The following SGPP2 variants were observed in gnomAD, a reference collection of about 807,000 sequenced individuals.
SGPP2 encodes the protein sphingosine 1-phosphate phosphohydrolase 2.
Under a neutral mutation model 33.9 loss-of-function variants are expected in SGPP2, and 30 were observed. The ratio of observed to expected loss-of-function variants is 0.89; its 90% CI spans 0.66 to 1.20. The LOEUF (loss-of-function observed/expected upper bound fraction) is 1.20, where lower values mean the gene tolerates loss of function less well. SGPP2 is among the 50% of genes most tolerant of loss of function. The pLI is 0.00. For missense variants in SGPP2, 458 were observed against 532.1 expected, an observed-to-expected ratio of 0.86 and a Z score of 1.37; for synonymous variants, 233 against 225.0, an observed-to-expected ratio of 1.04 and a Z score of -0.32.
intron 1 of SGPP2, among the ~76,000 whole-genome samples, chr2:222,452,118 A>T (rs1697500500): frequency 6.6e-6 from 1 of 152,042 alleles, no homozygotes; most frequent in Non-Finnish European, 1.5e-5. Context: ...TATTAGATCT[A>T]CTTATCTATA....
intron 2 of SGPP2, among the ~76,000 whole-genome samples, chr2:222,500,962 C>G (rs1218230679): frequency 6.6e-6 from 1 of 152,172 alleles, no homozygotes; most frequent in Non-Finnish European, 1.5e-5. Context: ...GAACTCAGAC[C>G]TGAGGGTTTG....
intron 1 of SGPP2, among the ~76,000 whole-genome samples, chr2:222,447,579 G>C (rs988089887): frequency 6.6e-6 from 1 of 152,164 alleles, no homozygotes; most frequent in African/African-American, 2.4e-5. Flanking sequence ...GAACCATAGA[G>C]GGAACAGAGG....
In SGPP2 at chr2:222,559,461, T is replaced by TTTTTG. The variant is rs58509644; in HGVS notation, c.*577_*581dup. 0.03 allele frequency: 4,586 copies of TTTTTG among 155,242 alleles called. 114 individuals are homozygous for TTTTTG. Among genetic ancestry groups the TTTTTG allele is most frequent in the African/African-American group, 0.07 (2,893 of 41,486 alleles). 9.6% of individuals were successfully genotyped at this position (155,242 alleles called of 1,614,324 possible). On this transcript the variant is annotated 3_prime_UTR_variant, in exon 5 of 5. Transcript: ENST00000321276. Reference sequence around the variant, plus strand: ...ACTTCCTTATCGTTTATTTGGTGATTTTTTGTTTTGTTTTGTTTGAGACAG... The same window carrying TTTTTG: ...ACTTCCTTATCGTTTATTTGGTGATTTTTTGTTTTGTTTTGTTTTGTTTGAGACAG...
Position 222,550,141 on chromosome 2 carries a change from G to T in SGPP2, c.649-8206G>T, listed in dbSNP as rs1036109421. Among the ~76,000 whole-genome samples the T allele has an allele frequency of 6.6e-6, 1 of 152,090 alleles. No homozygotes were observed. Among genetic ancestry groups the T allele is most frequent in the South Asian group, 2.1e-4 (1 of 4,830 alleles). ...GATCCACCCGCCTCGGCCTCCCAAAGTGCTGGGATTACAGGCATGAGCCAC... is the reference window on the plus strand; with the variant it reads ...GATCCACCCGCCTCGGCCTCCCAAATTGCTGGGATTACAGGCATGAGCCAC... On this transcript the variant is annotated intron_variant, in intron 4 of 4. Transcript: ENST00000321276. The surrounding 1 kb of genome is among the most constrained non-coding windows in gnomAD (Gnocchi z 4.5).
chr2:222,552,110 C>T (rs931404429), intron 4 of SGPP2, among the ~76,000 whole-genome samples: 2 of 152,130 alleles, frequency 1.3e-5, no homozygotes, highest in Non-Finnish European at 2.9e-5. Flanking sequence ...CACTAGTTGA[C>T]TGATGGGCAT....
intron 4 of SGPP2, among the ~76,000 whole-genome samples, chr2:222,529,428 G>A (rs1166738130): frequency 1.3e-5 from 2 of 151,958 alleles, no homozygotes; most frequent in Admixed American, 6.6e-5. Context: ...TCCGTCTCCC[G>A]GGTTCAAGCC....
At chr2:222,532,545 C>T (rs1162504569) in intron 4 of SGPP2, among the ~76,000 whole-genome samples, 2 of 152,068 alleles carry the variant, frequency 1.3e-5, no homozygotes, top group African/African-American at 4.8e-5. Flanking sequence ...TCTGGCCCCA[C>T]CCCAGGGAAG....
At chr2:222,515,595 C>T (rs1698593023) in intron 2 of SGPP2, among the ~76,000 whole-genome samples, 1 of 151,724 alleles carries the variant, frequency 6.6e-6, no homozygotes, top group Admixed American at 6.6e-5. Context: ...TCCCAAAGTG[C>T]TGGGATTACA....
intron 1 of SGPP2, among the ~76,000 whole-genome samples, chr2:222,427,607 G>A (rs1229874747): frequency 1.3e-5 from 2 of 152,150 alleles, no homozygotes; most frequent in Non-Finnish European, 2.9e-5. Context: ...AAAAAAATGA[G>A]TGAATGTTGA....
intron 4 of SGPP2, among the ~76,000 whole-genome samples, chr2:222,554,443 T>A (rs974776637): frequency 6.6e-6 from 1 of 152,236 alleles, no homozygotes; most frequent in Admixed American, 6.5e-5. Context: ...CTACAACAGA[T>A]AGCTTGTAAA....
rs1697948259 is a variant in SGPP2 at position 222,477,043 on chromosome 2, G to A, written c.378+2317G>A. Among the ~76,000 whole-genome samples, 1 of 151,460 alleles carries A rather than the reference G, an allele frequency of 6.6e-6. No individual in the cohort carries two copies. The highest frequency in any genetic ancestry group is 2.4e-5 in the African/African-American group (1 of 41,062). On this transcript the variant is annotated intron_variant, in intron 2 of 4. Transcript: ENST00000321276. This position sits in a 1 kb window ranked among gnomAD's most constrained non-coding sequence, Gnocchi z 6.0. ...TATAGGTGTGTATATATGTGTATGT[G>A]TGTATAGGTGTGTATATATGTGTGT...
In SGPP2 at chr2:222,559,163, C is replaced by A. The variant is rs1276575847; in HGVS notation, c.*265C>A. 2.3e-4 allele frequency: 11 copies of A among 47,476 alleles called. No homozygotes were observed. The highest frequency in any genetic ancestry group is 6.5e-4 in the African/African-American group (2 of 3,058). 2.9% of individuals were successfully genotyped at this position (47,476 alleles called of 1,614,324 possible). A position where few individuals can be genotyped will look rare whatever the true frequency, so the allele number is the denominator to read the frequency against. ...GGATCTTTAAAGGCACACACCGCGCCCCCCCCCCCCCCGCCCGGCCCCTGC... is the reference window on the plus strand; with the variant it reads ...GGATCTTTAAAGGCACACACCGCGCACCCCCCCCCCCCGCCCGGCCCCTGC... On this transcript the variant is annotated 3_prime_UTR_variant, in exon 5 of 5. Coordinates refer to ENST00000321276, the MANE Select transcript of SGPP2 (RefSeq NM_152386.4).
chr2:222,494,515 C>T (rs1698246391), intron 2 of SGPP2, among the ~76,000 whole-genome samples: 1 of 152,220 alleles, frequency 6.6e-6, no homozygotes, highest in Non-Finnish European at 1.5e-5. Flanking sequence ...ACCTTGCCAG[C>T]CCACGGCTGC....
At chr2:222,558,303 A>T in intron 4 of SGPP2, 44 bp from the exon 5 acceptor site, 2 of 1,591,412 alleles carry the variant, frequency 1.3e-6, no homozygotes, top group Non-Finnish European at 1.7e-6. Flanking sequence ...GTATACAAGG[A>T]AACACTCATT....
In SGPP2 at chr2:222,497,306, G is replaced by A. The variant is rs190549000; in HGVS notation, c.378+22580G>A. ...CTTGCTCTGTCGCCCAGGCTGGAGT[G>A]CAATGGTGCAATCTCGGCTCACTGC... On this transcript the variant is annotated intron_variant, in intron 2 of 4. Coordinates refer to ENST00000321276, the MANE Select transcript of SGPP2 (RefSeq NM_152386.4). Among the ~76,000 whole-genome samples the A allele has an allele frequency of 7.3e-3, 1,025 of 141,324 alleles. 14 individuals are homozygous for A. Among genetic ancestry groups the A allele is most frequent in the Middle Eastern group, 0.033 (8 of 240 alleles). The allele number at this position is 141,324 out of a possible 152,430, so 92.7% of individuals were successfully genotyped here.
At chr2:222,444,740 A>G (rs529013815) in intron 1 of SGPP2, among the ~76,000 whole-genome samples, 1 of 152,350 alleles carries the variant, frequency 6.6e-6, no homozygotes, top group Admixed American at 6.5e-5. Flanking sequence ...AAATGTTAAG[A>G]GGATTTGAAA....
chr2:222,554,784 C>T (rs889597643), intron 4 of SGPP2, among the ~76,000 whole-genome samples: 2 of 152,140 alleles, frequency 1.3e-5, no homozygotes, highest in Non-Finnish European at 1.5e-5. Context: ...CAGACAGCAG[C>T]GGGCATTCAG....
intron 2 of SGPP2, among the ~76,000 whole-genome samples, chr2:222,488,500 T>C (rs12616952): frequency 0.45 from 68,098 of 152,044 alleles, 16,228 homozygotes; most frequent in Middle Eastern, 0.65. Context: ...AAAAGCATCT[T>C]CCCTCACCCC....
intron 4 of SGPP2, among the ~76,000 whole-genome samples, chr2:222,527,457 C>T (rs1007791996): frequency 6.6e-6 from 1 of 152,206 alleles, no homozygotes; most frequent in Non-Finnish European, 1.5e-5. Context: ...CTTCTCTGAA[C>T]ATGGGGTTTC....
Sources: allele counts gnomAD v4.1 joint callset (sites outside exome capture counted in the v4.1 genomes callset), GRCh38; gene constraint gnomAD v4.1.1; non-coding constraint Gnocchi (gnomAD v3.1); transcripts MANE v1.5; gene names NCBI Gene and HGNC (gene_info 2026-07-23, HGNC 2026-07-21).